Variants in GPC6 observed in about 807,000 individuals in gnomAD.
The protein encoded by GPC6 is glypican 6.
Under a neutral mutation model 55.2 loss-of-function variants are expected in GPC6, and 14 were observed. The ratio of observed to expected loss-of-function variants is 0.25; its 90% CI spans 0.17 to 0.40. The LOEUF (loss-of-function observed/expected upper bound fraction) is 0.40, where lower values mean the gene tolerates loss of function less well. Among genes scored for constraint, GPC6 ranks in the 10% least tolerant of loss-of-function variants. The pLI is 1.00. For synonymous variants in GPC6, 278 were observed against 259.6 expected (o/e 1.07, Z -0.68); for missense variants, 641 against 708.5 (o/e 0.90, Z 1.08).
intron 4 of GPC6, among the ~76,000 whole-genome samples, chr13:94,149,721 C>A (rs988273619): frequency 6.6e-6 from 1 of 152,076 alleles, no homozygotes; most frequent in Non-Finnish European, 1.5e-5. Context: ...AAGGTCTTAG[C>A]CTCCTTGACC....
At chr13:93,278,225 G>C (rs182145195) in intron 1 of GPC6, among the ~76,000 whole-genome samples, 70 of 152,264 alleles carry the variant, frequency 4.6e-4, no homozygotes, top group African/African-American at 1.6e-3. Flanking sequence ...GTTTCATTGT[G>C]TGAGCTGAAT....
intron 4 of GPC6, among the ~76,000 whole-genome samples, chr13:94,048,216 G>C (rs1220173269): frequency 6.6e-6 from 1 of 151,972 alleles, no homozygotes; most frequent in Non-Finnish European, 1.5e-5. Flanking sequence ...ATACATGAAG[G>C]ACCCATGACA....
At chr13:94,111,478 TAATA>T (rs1336318582) in intron 4 of GPC6, among the ~76,000 whole-genome samples, 8 of 16,694 alleles carry the variant, frequency 4.8e-4, no homozygotes, top group African/African-American at 1.8e-3. Flanking sequence ...GTAAATATAA[TAATA>T]ATAATAATAA....
intron 4 of GPC6, among the ~76,000 whole-genome samples, chr13:94,151,679 C>T (rs928136196): frequency 4.6e-5 from 7 of 151,954 alleles, no homozygotes; most frequent in Admixed American, 1.3e-4. Context: ...TGTCTTTATC[C>T]GAGGCAATGG....
rs150070162 is a variant in GPC6 at position 94,055,203 on chromosome 13, C to G, written c.877+27309C>G. ...GACCCTGAGGGAGCTGAGAATCAGC[C>G]CTGGTGAAAGTGTGAGGGTCTGTCT... On this transcript the variant is annotated intron_variant, in intron 4 of 8. Coordinates refer to ENST00000377047, the MANE Select transcript of GPC6 (RefSeq NM_005708.5). 2.1e-3 allele frequency among the ~76,000 whole-genome samples: 322 copies of G among 152,236 alleles called. 1 individual carries two copies. The highest frequency in any genetic ancestry group is 7.6e-3 in the African/African-American group (317 of 41,536).
At chr13:93,426,223 T>TTTTTA (rs71123484) in intron 1 of GPC6, among the ~76,000 whole-genome samples, 2 of 87,416 alleles carry the variant, frequency 2.3e-5, no homozygotes, top group Non-Finnish European at 5.1e-5. Context: ...GGTAAAAGTG[T>TTTTTA]TTTTATTTTA....
chr13:94,028,585 A>G (rs545148191), intron 4 of GPC6, among the ~76,000 whole-genome samples: 2 of 152,318 alleles, frequency 1.3e-5, no homozygotes, highest in African/African-American at 4.8e-5. Context: ...TTAGCAAACA[A>G]TTCTTTCCTT....
intron 6 of GPC6, among the ~76,000 whole-genome samples, chr13:94,380,383 C>G (rs1248322204): frequency 6.6e-6 from 1 of 151,874 alleles, no homozygotes; most frequent in Non-Finnish European, 1.5e-5. Context: ...AAAGTGGACA[C>G]TACGTAGAAC....
chr13:93,623,681 A>T (rs1296709145), intron 2 of GPC6, among the ~76,000 whole-genome samples: 2 of 151,744 alleles, frequency 1.3e-5, no homozygotes, highest in Admixed American at 1.3e-4. Context: ...GATGGTCTTG[A>T]TCTCCTGACC....
At chr13:93,663,754 A>G (rs1881023141) in intron 2 of GPC6, among the ~76,000 whole-genome samples, 1 of 152,212 alleles carries the variant, frequency 6.6e-6, no homozygotes, top group Admixed American at 6.5e-5. Context: ...AAATGGGACA[A>G]GTCACTTCAT....
chr13:93,862,119 A>T (rs1266612808), intron 3 of GPC6, among the ~76,000 whole-genome samples: 6 of 151,708 alleles, frequency 4.0e-5, no homozygotes, highest in Admixed American at 3.9e-4. Context: ...TTCAGAAATG[A>T]CAGCACAGTA....
chr13:93,588,808 T>C (rs1877328693), intron 2 of GPC6, among the ~76,000 whole-genome samples: 1 of 152,156 alleles, frequency 6.6e-6, no homozygotes, highest in Admixed American at 6.6e-5. Flanking sequence ...ACATTGGAGA[T>C]TACATTTCAA....
intron 2 of GPC6, among the ~76,000 whole-genome samples, chr13:93,789,602 T>TATATATATATATATATATAATACTAC (rs1885944995): frequency 6.5e-5 from 1 of 15,412 alleles, no homozygotes; most frequent in Non-Finnish European, 1.3e-4. Context: ...ATACTACATA[T>TATATATATATATATATATAATACTAC]ATATATATAT....
chr13:93,863,752 C>G (rs1468731955), intron 3 of GPC6, among the ~76,000 whole-genome samples: 1 of 151,606 alleles, frequency 6.6e-6, no homozygotes, highest in Non-Finnish European at 1.5e-5. Context: ...TACCAGAGTA[C>G]AGTTTATGAG....
rs138195378 is a variant in GPC6 at position 93,277,202 on chromosome 13, C to T, written c.160+49586C>T. On this transcript the variant is annotated intron_variant, in intron 1 of 8. Transcript: ENST00000377047. ...ATTTTACCGTGGGTGAAGGAATTTA[C>T]GAACACACCACTGAGGTGAAAAGAA... Among the ~76,000 whole-genome samples the T allele has an allele frequency of 1.4e-3, 220 of 152,236 alleles. 1 individual carries two copies. Among genetic ancestry groups the T allele is most frequent in the African/African-American group, 5.1e-3 (210 of 41,520 alleles).
At chr13:93,646,103 T>C (rs1051475897) in intron 2 of GPC6, among the ~76,000 whole-genome samples, 1 of 152,140 alleles carries the variant, frequency 6.6e-6, no homozygotes, top group Non-Finnish European at 1.5e-5. Flanking sequence ...CCTCTATCAC[T>C]AGTATATAAT....
intron 4 of GPC6, chr13:94,187,374 C>T (rs1889235088): frequency 6.6e-6 from 1 of 152,048 alleles, no homozygotes; most frequent in South Asian, 2.1e-4. Context: ...TATGGTAAAG[C>T]TAAGAAAAAG....
chr13:93,466,700 C>G (rs904796690), intron 1 of GPC6, among the ~76,000 whole-genome samples: 1 of 152,080 alleles, frequency 6.6e-6, no homozygotes, highest in Non-Finnish European at 1.5e-5. Context: ...AATACGCATT[C>G]TAGTATATAA....
chr13:93,758,500 C>T (rs9524196), intron 2 of GPC6, among the ~76,000 whole-genome samples: 75,473 of 151,898 alleles, frequency 0.5, 20,324 homozygotes, highest in Non-Finnish European at 0.62. Context: ...ACATATCAAT[C>T]TATAAAATAT....
Sources: allele counts gnomAD v4.1 joint callset (sites outside exome capture counted in the v4.1 genomes callset), GRCh38; gene constraint gnomAD v4.1.1; transcripts MANE v1.5; gene names NCBI Gene and HGNC (gene_info 2026-07-23, HGNC 2026-07-21).